SIDT1: variants seen among roughly 807,000 people sequenced by gnomAD.
The protein encoded by SIDT1 is SID1 transmembrane family member 1.
In SIDT1, 101 loss-of-function variants were observed where a neutral mutation model predicts 107.5. The observed-to-expected ratio is 0.94, with a 90% CI of 0.80 to 1.11. The LOEUF (loss-of-function observed/expected upper bound fraction) is 1.11, where lower values mean the gene tolerates loss of function less well. SIDT1 is among the 50% of genes least tolerant of loss of function. The pLI, the probability that SIDT1 is intolerant of heterozygous loss-of-function variation, is 0.00. For synonymous variants in SIDT1, 395 were observed against 398.2 expected, an observed-to-expected ratio of 0.99 and a Z score of 0.10; for missense variants, 1,076 against 1,058.2, an observed-to-expected ratio of 1.02 and a Z score of -0.23.
chr3:113,604,836 C>T, intron 13 of SIDT1, 74 bp from the exon 14 acceptor site: 1 of 1,550,214 alleles, frequency 6.5e-7, no homozygotes, highest in African/African-American at 1.4e-5. Flanking sequence ...TGGAAGCATT[C>T]TTTTAAAAAT....
At chr3:113,556,487 T>C (rs151295699) in intron 1 of SIDT1, among the ~76,000 whole-genome samples, 1 of 152,158 alleles carries the variant, frequency 6.6e-6, no homozygotes, top group Non-Finnish European at 1.5e-5. Flanking sequence ...AGAAGTCCCA[T>C]CTTCGCTCAG....
At chr3:113,543,564 C>T (rs1053524975) in intron 1 of SIDT1, among the ~76,000 whole-genome samples, 2 of 152,140 alleles carry the variant, frequency 1.3e-5, no homozygotes, top group African/African-American at 2.4e-5. Context: ...ACCTCGTCAA[C>T]TTGGGGGTTT....
downstream of SIDT1, chr3:113,632,665 GGCACAGCAGTGAACAAAAT>G (rs1947101641): frequency 6.6e-6 from 1 of 152,166 alleles, no homozygotes; most frequent in Non-Finnish European, 1.5e-5. Flanking sequence ...TGAGAAAATG[GGCACAGCAGTGAACAAAAT>G]GCACGTCAGT....
At chr3:113,632,172 C>T (rs1211533068), downstream of SIDT1, among the ~76,000 whole-genome samples, 1 of 152,042 alleles carries the variant, frequency 6.6e-6, no homozygotes, top group Non-Finnish European at 1.5e-5. Flanking sequence ...ATTTAGAAAT[C>T]AACAGATTTA....
chr3:113,619,072 G>T (rs1016218802), intron 20 of SIDT1, among the ~76,000 whole-genome samples: 1 of 152,094 alleles, frequency 6.6e-6, no homozygotes, highest in Non-Finnish European at 1.5e-5. Context: ...TAATCTGCCC[G>T]CCTTAGCCTC....
chr3:113,548,342 A>C lies in SIDT1; in HGVS notation c.222+15099A>C, dbSNP rs140359392. On this transcript the variant is annotated intron_variant, in intron 1 of 24. Coordinates refer to ENST00000264852, the MANE Select transcript of SIDT1 (RefSeq NM_017699.3). ...TATCCACCATTATGGTACTGTACAGAATAGTTTCACCCTCTGAAAATAGTC... is the reference window on the plus strand; with the variant it reads ...TATCCACCATTATGGTACTGTACAGCATAGTTTCACCCTCTGAAAATAGTC... 7.6e-3 allele frequency among the ~76,000 whole-genome samples: 1,154 copies of C among 152,230 alleles called. 18 individuals are homozygous for C. Among genetic ancestry groups the C allele is most frequent in the African/African-American group, 0.027 (1,110 of 41,568 alleles).
At chr3:113,607,478 C>T (rs770327847) in intron 15 of SIDT1, among the ~76,000 whole-genome samples, 26 of 152,212 alleles carry the variant, frequency 1.7e-4, no homozygotes, top group Non-Finnish European at 3.5e-4. Context: ...TAGATGAAGG[C>T]AGGTGAGGAT....
intron 1 of SIDT1, among the ~76,000 whole-genome samples, chr3:113,557,445 C>G (rs1200346491): frequency 6.6e-6 from 1 of 152,100 alleles, no homozygotes; most frequent in Non-Finnish European, 1.5e-5. Context: ...GGGCCCCAAT[C>G]CAATGACTGA....
rs577546638 is a variant in SIDT1, at chr3:113,567,725, C to T, written c.515+15C>T. On this transcript the variant is annotated intron_variant, in intron 3 of 24. Transcript: ENST00000264852. ...TTCCAGCTCCGGTAAGCGGGACTTT[C>T]TCTGTTTACCTGTCTGTGTTTCCTG... The T allele has an allele frequency of 6.2e-7, 1 of 1,611,636 alleles. No homozygotes were observed. Among genetic ancestry groups the T allele is most frequent in the African/African-American group, 1.3e-5 (1 of 74,994 alleles).
intron 1 of SIDT1, among the ~76,000 whole-genome samples, chr3:113,563,366 C>T (rs568583819): frequency 1.1e-4 from 17 of 152,022 alleles, no homozygotes; most frequent in Non-Finnish European, 1.0e-4. Context: ...AGGATGAAAC[C>T]ATAAAATACT....
rs200266696 is a variant in SIDT1, at chr3:113,604,908, A to G, written c.1338-2A>G. 4.3e-6 allele frequency: 7 copies of G among 1,613,976 alleles called. No individual in the cohort carries two copies. Among genetic ancestry groups the G allele is most frequent in the East Asian group, 2.2e-5 (1 of 44,900 alleles). ...CATTTCTGGTTCTTTCTGCCTGCATAGGAACATCATCACCATTGCTGTGTT... is the reference window on the plus strand; with the variant it reads ...CATTTCTGGTTCTTTCTGCCTGCATGGGAACATCATCACCATTGCTGTGTT... On this transcript the variant is annotated splice_acceptor_variant, in intron 13 of 24. Coordinates refer to ENST00000264852, the MANE Select transcript of SIDT1 (RefSeq NM_017699.3). LOFTEE classifies it high-confidence loss of function.
chr3:113,604,603 C>A (rs1443465477), intron 13 of SIDT1, among the ~76,000 whole-genome samples: 1 of 152,132 alleles, frequency 6.6e-6, no homozygotes. Context: ...CAATCATTAA[C>A]CTTTTAAAAA....
At chr3:113,534,060 GGAGA>G (rs935273341) in intron 1 of SIDT1, among the ~76,000 whole-genome samples, 7 of 152,066 alleles carry the variant, frequency 4.6e-5, no homozygotes, top group African/African-American at 1.4e-4. Flanking sequence ...CACTGGGCGG[GGAGA>G]GAGAGGGAGA....
At position 113,533,032 on chromosome 3, in the gene SIDT1, G is replaced by A. The variant is rs936244012; in HGVS notation, c.11G>A (p.Cys4Tyr). The A allele has an allele frequency of 3.4e-5, 47 of 1,375,940 alleles. 1 individual carries two copies. Among genetic ancestry groups the A allele is most frequent in the Non-Finnish European group, 4.3e-5 (46 of 1,067,580 alleles). 85.2% of individuals were successfully genotyped at this position (1,375,940 alleles called of 1,614,324 possible). A position where few individuals can be genotyped will look rare whatever the true frequency, so the allele number is the denominator to read the frequency against. MRG[C>Y]LRLALLCALP... ...GGCGCGGTGCCCACCATGCGCGGCT[G>A]CCTGCGGCTCGCGCTGCTCTGCGCG... Residue 4 changes from cysteine (C) to tyrosine (Y), a missense_variant, in exon 1 of 25, where the codon TGC becomes TAC. Physicochemically the swap from Cys to Tyr is radical, Grantham distance 194. Transcript: ENST00000264852.
At chr3:113,612,036 G>A (rs1183164182) in intron 18 of SIDT1, 50 bp from the exon 19 acceptor site, 9 of 1,381,430 alleles carry the variant, frequency 6.5e-6, no homozygotes, top group African/African-American at 2.8e-5. Flanking sequence ...ATTTTGATGA[G>A]TTTTCTAGGG....
chr3:113,550,462 C>T (rs973007036), intron 1 of SIDT1, among the ~76,000 whole-genome samples: 4 of 152,084 alleles, frequency 2.6e-5, no homozygotes, highest in South Asian at 4.1e-4. Flanking sequence ...CTTCCAGTGG[C>T]GGAAGATGAA....
intron 4 of SIDT1, 101 bp downstream of exon 4, chr3:113,577,068 G>A: frequency 1.8e-6 from 2 of 1,104,362 alleles, no homozygotes; most frequent in South Asian, 1.3e-5. Flanking sequence ...GTGTGGTGTT[G>A]CCCTTGACCT....
At chr3:113,538,529 G>A (rs1301647120) in intron 1 of SIDT1, among the ~76,000 whole-genome samples, 1 of 152,174 alleles carries the variant, frequency 6.6e-6, no homozygotes, top group Non-Finnish European at 1.5e-5. Flanking sequence ...AAAATGTGTC[G>A]TTAGTATTTG....
At position 113,628,872 on chromosome 3, in the gene SIDT1, T is replaced by C. The variant is rs1947014621; in HGVS notation, c.*1164T>C. 1 of 152,228 alleles carries C rather than the reference T, an allele frequency of 6.6e-6. No homozygotes were observed. The highest frequency in any genetic ancestry group is 2.1e-4 in the South Asian group (1 of 4,834). 9.4% of individuals were successfully genotyped at this position (152,228 alleles called of 1,614,324 possible). ...CTTGCAAAGTGCACAGCTAATCTAA[T>C]GTTGTCTCTCGGTTGCACCTGACAT... On this transcript the variant is annotated 3_prime_UTR_variant, in exon 25 of 25. Coordinates refer to ENST00000264852, the MANE Select transcript of SIDT1 (RefSeq NM_017699.3).
Sources: gnomAD v4.1 joint callset for allele counts (sites outside exome capture counted in the v4.1 genomes callset) on GRCh38, gnomAD v4.1.1 for gene constraint, MANE v1.5 for transcripts, NCBI Gene and HGNC (gene_info 2026-07-23, HGNC 2026-07-21) for gene names.